ASTN2: variants seen among roughly 807,000 people sequenced by gnomAD.
ASTN2 encodes astrotactin-2.
In ASTN2, 54 loss-of-function variants were observed where a neutral mutation model predicts 139.8. That is an observed-to-expected ratio of 0.39 (90% CI 0.31 to 0.48). ASTN2 has a LOEUF of 0.48. Ranked by LOEUF, ASTN2 falls within the 20% of genes least tolerant of loss-of-function variation. The pLI is 0.95. For synonymous variants in ASTN2, 756 were observed against 719.5 expected (o/e 1.05, Z -0.81); for missense variants, 1,565 against 1,725.1 (o/e 0.91, Z 1.64).
At chr9:116,728,135 T>G (rs1173621081) in intron 15 of ASTN2, among the ~76,000 whole-genome samples, 3 of 152,208 alleles carry the variant, frequency 2.0e-5, no homozygotes, top group African/African-American at 7.2e-5. Context: ...AGTCTTCATT[T>G]ATTTTTAAAA....
At chr9:116,636,969 G>T (rs535847277) in intron 17 of ASTN2, among the ~76,000 whole-genome samples, 32 of 152,262 alleles carry the variant, frequency 2.1e-4, no homozygotes, top group African/African-American at 7.7e-4. Context: ...GGTCCTTTCT[G>T]CCATGTTAAG....
intron 7 of ASTN2, among the ~76,000 whole-genome samples, chr9:116,990,908 C>G (rs1929002): frequency 0.69 from 104,464 of 151,606 alleles, 40,948 homozygotes; most frequent in East Asian, 0.88. Flanking sequence ...GGGCTGTTCA[C>G]ACCACACTGG....
intron 10 of ASTN2, among the ~76,000 whole-genome samples, chr9:116,868,066 T>C (rs548627553): frequency 5.1e-4 from 77 of 152,246 alleles, no homozygotes; most frequent in African/African-American, 1.7e-3. Flanking sequence ...GGAGGCAGGC[T>C]GGACTGAGAC....
chr9:116,622,919 C>A (rs544166943), intron 17 of ASTN2, among the ~76,000 whole-genome samples: 1 of 152,218 alleles, frequency 6.6e-6, no homozygotes, highest in African/African-American at 2.4e-5. Context: ...AAACCAGATG[C>A]GACTGCATGA....
intron 2 of ASTN2, among the ~76,000 whole-genome samples, chr9:117,289,496 G>C (rs1331854293): frequency 3.3e-5 from 5 of 152,174 alleles, no homozygotes; most frequent in African/African-American, 1.2e-4. Context: ...CACATTGGAG[G>C]CTCATTTATA....
intron 10 of ASTN2, among the ~76,000 whole-genome samples, chr9:116,914,547 T>TTTATTATTATTATTATTA (rs144153990): frequency 5.2e-4 from 76 of 146,910 alleles, no homozygotes; most frequent in African/African-American, 1.8e-3. Flanking sequence ...TGTAAAGTGT[T>TTTATTATTATTATTATTA]TTATTATTAT....
At chr9:116,638,532 T>A (rs560446960) in intron 17 of ASTN2, among the ~76,000 whole-genome samples, 1 of 121,952 alleles carries the variant, frequency 8.2e-6, no homozygotes, top group Admixed American at 9.3e-5. Context: ...TGTGGGGAAT[T>A]GCCAAAAAAA....
rs1828615078 is a variant in ASTN2 at position 117,329,087 on chromosome 9, G to T, written c.443-37574C>A. ...CCTGCAGCTGGAGGGCCAAGGAAGT[G>T]TGACATTCCCCAACAGGTCAGGGAA... On this transcript the variant is annotated intron_variant, in intron 1 of 22. Coordinates refer to ENST00000313400, the MANE Select transcript of ASTN2 (RefSeq NM_001365068.1). Among the ~76,000 whole-genome samples, 2 of 151,532 alleles carry T rather than the reference G, an allele frequency of 1.3e-5. 1 individual carries two copies. Among genetic ancestry groups the T allele is most frequent in the Non-Finnish European group, 2.9e-5 (2 of 67,920 alleles).
At chr9:116,946,291 C>G (rs1344868087) in intron 10 of ASTN2, among the ~76,000 whole-genome samples, 4 of 152,170 alleles carry the variant, frequency 2.6e-5, no homozygotes, top group Admixed American at 2.0e-4. Context: ...TTTCTACTGT[C>G]CCTGAGGCTC....
At chr9:117,327,065 T>C (rs141043021) in intron 1 of ASTN2, among the ~76,000 whole-genome samples, 148 of 152,224 alleles carry the variant, frequency 9.7e-4, no homozygotes, top group Non-Finnish European at 1.8e-3. Flanking sequence ...CATCAGACAT[T>C]AGAGTCTCAT....
intron 19 of ASTN2, among the ~76,000 whole-genome samples, chr9:116,550,582 G>A (rs898690464): frequency 6.6e-6 from 1 of 152,128 alleles, no homozygotes; most frequent in Non-Finnish European, 1.5e-5. Context: ...GAGAGGAAAA[G>A]GGAGAGAAAA....
intron 5 of ASTN2, among the ~76,000 whole-genome samples, chr9:117,048,963 CTTTTTT>C (rs372277811): frequency 1.1e-5 from 1 of 89,016 alleles, no homozygotes. Context: ...TCATCCATTG[CTTTTTT>C]TTTTTTTTTT....
At chr9:117,248,977 G>T (rs1833462473) in intron 2 of ASTN2, among the ~76,000 whole-genome samples, 1 of 152,200 alleles carries the variant, frequency 6.6e-6, no homozygotes, top group Admixed American at 6.5e-5. Flanking sequence ...ATGTACAATG[G>T]GATGATTGAG....
At chr9:117,245,092 G>C (rs371170461) in intron 2 of ASTN2, among the ~76,000 whole-genome samples, 1 of 151,926 alleles carries the variant, frequency 6.6e-6, no homozygotes, top group Admixed American at 6.6e-5. Flanking sequence ...AAAAGAGCTC[G>C]ATTCATCCTC....
Position 116,490,303 on chromosome 9 carries a change from A to AG in ASTN2, c.3356-2804dup, listed in dbSNP as rs1429567296. On this transcript the variant is annotated intron_variant, in intron 19 of 22. Coordinates refer to ENST00000313400, the MANE Select transcript of ASTN2 (RefSeq NM_001365068.1). ...AAAAAAAAAAAAAAAAAAAAAAAAA[A>AG]GGGGGCATTGGTGGTGAGGGTGAGG... is the stretch of plus-strand genomic sequence containing the variant. Among the ~76,000 whole-genome samples, 493 of 104,510 alleles carry AG rather than the reference A, an allele frequency of 4.7e-3. 8 individuals are homozygous for AG. The highest frequency in any genetic ancestry group is 0.015 in the East Asian group (46 of 3,102). The allele number at this position is 104,510 out of a possible 152,430, so 68.6% of individuals were successfully genotyped here.
intron 2 of ASTN2, among the ~76,000 whole-genome samples, chr9:117,252,426 G>C (rs767423826): frequency 2.6e-5 from 4 of 152,266 alleles, no homozygotes; most frequent in Non-Finnish European, 5.9e-5. Flanking sequence ...CAGTCCACCA[G>C]GGGGTCTTCA....
chr9:116,939,864 G>A (rs1835178335), intron 10 of ASTN2, among the ~76,000 whole-genome samples: 1 of 152,156 alleles, frequency 6.6e-6, no homozygotes, highest in South Asian at 2.1e-4. Flanking sequence ...AATACATGAT[G>A]GTGACCCCAT....
chr9:117,224,877 G>A (rs1449640094), intron 2 of ASTN2, among the ~76,000 whole-genome samples: 1 of 152,110 alleles, frequency 6.6e-6, no homozygotes, highest in Non-Finnish European at 1.5e-5. Context: ...GTTAGGTCTT[G>A]CAGTGACTCA....
At chr9:116,957,939 A>G (rs959352411) in intron 10 of ASTN2, among the ~76,000 whole-genome samples, 21 of 152,152 alleles carry the variant, frequency 1.4e-4, no homozygotes, top group African/African-American at 4.6e-4. Context: ...TTGGCCTCCC[A>G]AAATACTGGG....
Sources: gnomAD v4.1 joint callset for allele counts (sites outside exome capture counted in the v4.1 genomes callset) on GRCh38, gnomAD v4.1.1 for gene constraint, MANE v1.5 for transcripts, NCBI Gene and HGNC (gene_info 2026-07-23, HGNC 2026-07-21) for gene names.